Variants in COP1 observed in about 807,000 individuals in gnomAD.
COP1 encodes E3 ubiquitin-protein ligase COP1.
Under a neutral mutation model 101.3 loss-of-function variants are expected in COP1, and 24 were observed. The observed-to-expected ratio is 0.24, with a 90% confidence interval of 0.17 to 0.33. The LOEUF is 0.33. COP1 is among the 10% of genes least tolerant of loss of function. COP1 has a pLI of 1.00. For synonymous variants in COP1, 347 were observed against 341.9 expected (o/e 1.01, Z -0.17); for missense variants, 663 against 906.2 (o/e 0.73, Z 3.45).
At chr1:175,990,819 A>G (rs1658236926) in intron 15 of COP1, among the ~76,000 whole-genome samples, 2 of 152,048 alleles carry the variant, frequency 1.3e-5, no homozygotes, top group South Asian at 2.1e-4. Context: ...CTTACATGGT[A>G]TATCTTTTTC....
rs572359233 is a variant in COP1, at chr1:175,963,028, T to G, written c.2134-15789A>C. 4.6e-5 allele frequency among the ~76,000 whole-genome samples: 7 copies of G among 152,198 alleles called. No individual in the cohort carries two copies. The South Asian group carries it at 1.5e-3, about 32-fold the overall frequency. ...CATCTTGAAAAACATGAATGTTACA[T>G]GTGGGTGTTTTCTGTTATTCTTATT... On this transcript the variant is annotated intron_variant, in intron 18 of 19. Coordinates refer to ENST00000367669, the MANE Select transcript of COP1 (RefSeq NM_022457.7).
intron 11 of COP1, among the ~76,000 whole-genome samples, chr1:176,054,033 T>G (rs1363533758): frequency 6.6e-6 from 1 of 152,178 alleles, no homozygotes; most frequent in African/African-American, 2.4e-5. Flanking sequence ...TAGTGATCCT[T>G]AAGGAGGCAC....
chr1:175,993,270 T>C (rs1056833633), intron 15 of COP1, among the ~76,000 whole-genome samples: 5 of 151,870 alleles, frequency 3.3e-5, no homozygotes, highest in Non-Finnish European at 7.4e-5. Context: ...AGACCAAAAG[T>C]AGATAAAACC....
intron 3 of COP1, among the ~76,000 whole-genome samples, chr1:176,174,012 A>AAT (rs1161423927): frequency 1.3e-5 from 2 of 150,242 alleles, no homozygotes; most frequent in African/African-American, 2.4e-5. Flanking sequence ...AAAAAAAGAG[A>AAT]ATATATATAA....
intron 15 of COP1, among the ~76,000 whole-genome samples, chr1:176,007,345 G>A (rs906815411): frequency 2.0e-4 from 30 of 152,144 alleles, no homozygotes; most frequent in Admixed American, 1.3e-3. Context: ...CTCTCAGCTC[G>A]TCAAAGTCAT....
intron 9 of COP1, among the ~76,000 whole-genome samples, chr1:176,113,453 G>A (rs543612996): frequency 6.6e-6 from 1 of 152,184 alleles, no homozygotes; most frequent in Admixed American, 6.5e-5. Context: ...TCCCTTGTCG[G>A]ATAGATAATC....
At chr1:175,968,265 CA>C in intron 18 of COP1, 1 of 251,612 alleles carries the variant, frequency 4.0e-6, no homozygotes, top group South Asian at 4.7e-5. Context: ...TAAGATACCT[CA>C]AAAACCAGTT....
chr1:176,069,203 A>T (rs976123254), intron 11 of COP1, among the ~76,000 whole-genome samples: 6 of 152,178 alleles, frequency 3.9e-5, no homozygotes, highest in African/African-American at 1.4e-4. Flanking sequence ...AAAAAAAGAA[A>T]AGAAGAAAAG....
chr1:176,122,136 T>C (rs1010499041), intron 8 of COP1, among the ~76,000 whole-genome samples: 13 of 86,594 alleles, frequency 1.5e-4, no homozygotes, highest in African/African-American at 6.2e-4. Flanking sequence ...CAAGACTGCA[T>C]CTCAAAAAAA....
At chr1:175,974,531 T>G (rs946608662) in intron 18 of COP1, among the ~76,000 whole-genome samples, 1 of 152,138 alleles carries the variant, frequency 6.6e-6, no homozygotes, top group East Asian at 1.9e-4. Flanking sequence ...TCAGTTCAAA[T>G]GTTAAAACTG....
chr1:176,152,306 T>A (rs1692739806), intron 5 of COP1, among the ~76,000 whole-genome samples: 2 of 151,760 alleles, frequency 1.3e-5, no homozygotes, highest in African/African-American at 4.8e-5. Context: ...GTGCAGTAAA[T>A]AAAAACAATT....
At chr1:175,997,213 T>A (rs2148825088) in intron 15 of COP1, among the ~76,000 whole-genome samples, 1 of 151,050 alleles carries the variant, frequency 6.6e-6, no homozygotes, top group East Asian at 1.9e-4. Context: ...AAGCTGAAAC[T>A]GGATCCCTTC....
chr1:176,123,571 C>A (rs1364167910), intron 8 of COP1, among the ~76,000 whole-genome samples: 1 of 152,092 alleles, frequency 6.6e-6, no homozygotes, highest in African/African-American at 2.4e-5. Context: ...CAGGGAATGG[C>A]TGGTATATAC....
chr1:176,081,293 TGAAA>T lies in COP1; in HGVS notation c.1142-10_1142-7del. 6.7e-7 allele frequency: 1 copy of T among 1,487,290 alleles called. No individual in the cohort carries two copies. Among genetic ancestry groups the T allele is most frequent in the South Asian group, 1.4e-5 (1 of 74,054 alleles). 92.1% of individuals were successfully genotyped at this position (1,487,290 alleles called of 1,614,324 possible). A position where few individuals can be genotyped will look rare whatever the true frequency, so the allele number is the denominator to read the frequency against. ...GCTTGCAGTTCGACTGTCATCTATA[TGAAA>T]AAAAAAAAAAAAAGACAAAACAGAT... On this transcript the variant is annotated splice_region_variant and splice_polypyrimidine_tract_variant and intron_variant, in intron 10 of 19. Coordinates refer to ENST00000367669, the MANE Select transcript of COP1 (RefSeq NM_022457.7).
chr1:176,143,123 C>T (rs370731534), intron 6 of COP1, among the ~76,000 whole-genome samples: 31 of 146,830 alleles, frequency 2.1e-4, no homozygotes, highest in African/African-American at 7.7e-4. Flanking sequence ...ACAGAACAAG[C>T]GAGAGAGAGA....
intron 8 of COP1, among the ~76,000 whole-genome samples, chr1:176,117,665 C>T (rs188069654): frequency 3.3e-5 from 5 of 152,224 alleles, no homozygotes; most frequent in African/African-American, 9.6e-5. Flanking sequence ...GAGGCCAAGG[C>T]GGGCGGATCA....
rs1270400066 is a variant in COP1, at chr1:175,947,363, A to G, written c.2134-124T>C. ...CCTAAGACAATTGAATCTAATATGA[A>G]GATACAATTTTTTTTTTTTTTTTTT... On this transcript the variant is annotated intron_variant, in intron 18 of 19. Coordinates refer to ENST00000367669, the MANE Select transcript of COP1 (RefSeq NM_022457.7). The G allele has an allele frequency of 4.2e-6, 3 of 709,442 alleles. No individual in the cohort carries two copies. The African/African-American group carries it at 5.4e-5, about 13-fold the overall frequency. The allele number at this position is 709,442 out of a possible 1,614,324, so 43.9% of individuals were successfully genotyped here.
intron 1 of COP1, among the ~76,000 whole-genome samples, chr1:176,204,860 G>C (rs536022938): frequency 6.6e-6 from 1 of 152,144 alleles, no homozygotes; most frequent in Non-Finnish European, 1.5e-5. Flanking sequence ...CCCGGGAGGC[G>C]GGGGTGGCAG....
chr1:176,110,281 CCTT>C (rs1167980645), intron 9 of COP1, among the ~76,000 whole-genome samples: 35 of 152,322 alleles, frequency 2.3e-4, no homozygotes, highest in Middle Eastern at 3.4e-3. Context: ...AATCTAAACT[CCTT>C]CTAACAGCCT....
Sources: gnomAD v4.1 joint callset for allele counts (sites outside exome capture counted in the v4.1 genomes callset) on GRCh38, gnomAD v4.1.1 for gene constraint, MANE v1.5 for transcripts, NCBI Gene and HGNC (gene_info 2026-07-23, HGNC 2026-07-21) for gene names.